CNOT6L: variants seen among roughly 807,000 people sequenced by gnomAD.
The protein encoded by CNOT6L is CCR4-NOT transcription complex subunit 6-like.
A neutral mutation model predicts 64.0 loss-of-function variants in CNOT6L; 7 were observed. That is an observed-to-expected ratio of 0.11 (90% CI 0.06 to 0.21). The LOEUF is 0.21. Among genes scored for constraint, CNOT6L ranks in the 10% least tolerant of loss-of-function variants. The pLI is 1.00. For synonymous variants in CNOT6L, 193 were observed against 243.4 expected (o/e 0.79, Z 1.93); for missense variants, 245 against 669.0 (o/e 0.37, Z 6.99).
Position 77,773,170 on chromosome 4 carries a change from T to C in CNOT6L, c.315-4A>G, listed in dbSNP as rs1560415708. Reference sequence around the variant, plus strand: ...ATTGTTATTTAAAAGCAATTCCCTGTTTTAAAAAAAAAAAAAAAATTAGTT... The same window carrying C: ...ATTGTTATTTAAAAGCAATTCCCTGCTTTAAAAAAAAAAAAAAAATTAGTT... On this transcript the variant is annotated splice_region_variant and splice_polypyrimidine_tract_variant and intron_variant, in intron 3 of 11. Transcript: ENST00000504123. The C allele has an allele frequency of 6.5e-7, 1 of 1,527,524 alleles. No homozygotes were observed. Among genetic ancestry groups the C allele is most frequent in the African/African-American group, 1.4e-5 (1 of 69,162 alleles). 94.6% of individuals were successfully genotyped at this position (1,527,524 alleles called of 1,614,324 possible).
rs1487526425 is a variant in CNOT6L at position 77,761,163 on chromosome 4, T to C, written c.401-4212A>G. The stretch of plus-strand genomic sequence containing the variant: ...CAGCAAAAATGGCAGAGTAAAAACC[T>C]CCAAAAATGTGCTGCTCTGTACAAG... On this transcript the variant is annotated intron_variant, in intron 4 of 11. Coordinates refer to ENST00000504123, the MANE Select transcript of CNOT6L (RefSeq NM_144571.3). Among the ~76,000 whole-genome samples the C allele has an allele frequency of 2.6e-5, 4 of 151,618 alleles. No homozygotes were observed. The East Asian group carries it at 7.7e-4, about 29-fold the overall frequency.
chr4:77,769,928 C>G lies in CNOT6L; in HGVS notation c.400+3153G>C, dbSNP rs575284375. On this transcript the variant is annotated intron_variant, in intron 4 of 11. Transcript: ENST00000504123. ...GGCCCATATGTCGGATAAAGTATTG[C>G]CTTACACCTTAGGACATGAATTCTA... Among the ~76,000 whole-genome samples the G allele has an allele frequency of 3.9e-5, 6 of 152,184 alleles. No individual in the cohort carries two copies. The East Asian group carries it at 9.6e-4, about 24-fold the overall frequency.
chr4:77,819,575 G>A, upstream of CNOT6L: 1 of 303,326 alleles, frequency 3.3e-6, no homozygotes, highest in Non-Finnish European at 5.7e-6. Flanking sequence ...CGGGGGGCCC[G>A]CGCCCCCTCC....
chr4:77,816,555 G>C (rs1733598402), intron 1 of CNOT6L, among the ~76,000 whole-genome samples: 1 of 152,026 alleles, frequency 6.6e-6, no homozygotes. Flanking sequence ...TCAATGATGA[G>C]AGCTTCCCCC....
chr4:77,741,589 T>C (rs943725097), intron 8 of CNOT6L, among the ~76,000 whole-genome samples: 3 of 152,228 alleles, frequency 2.0e-5, no homozygotes, highest in African/African-American at 4.8e-5. Context: ...CCATATGATA[T>C]TGCAATTGTC....
intron 3 of CNOT6L, among the ~76,000 whole-genome samples, 181 bp from the exon 4 acceptor site, chr4:77,773,347 A>T (rs1287378851): frequency 6.6e-6 from 1 of 152,224 alleles, no homozygotes; most frequent in Non-Finnish European, 1.5e-5. Flanking sequence ...TGCAATTGCC[A>T]CAACTATTAA....
chr4:77,809,089 A>G (rs1390556596), intron 1 of CNOT6L, among the ~76,000 whole-genome samples: 3 of 152,144 alleles, frequency 2.0e-5, no homozygotes, highest in Non-Finnish European at 2.9e-5. Context: ...ACTCTACGAG[A>G]TAAGGAATAT....
chr4:77,810,284 C>T lies in CNOT6L; in HGVS notation c.5+9020G>A, dbSNP rs72866657. 5.8e-4 allele frequency among the ~76,000 whole-genome samples: 88 copies of T among 152,056 alleles called. 1 individual carries two copies. Among genetic ancestry groups the T allele is most frequent in the African/African-American group, 2.0e-3 (84 of 41,514 alleles). ...CAAAAAGTAAACAAAGGGTAATCAC[C>T]ACATCAAAGTGAAACACAACTTTAC... On this transcript the variant is annotated intron_variant, in intron 1 of 11. Coordinates refer to ENST00000504123, the MANE Select transcript of CNOT6L (RefSeq NM_144571.3).
intron 8 of CNOT6L, among the ~76,000 whole-genome samples, chr4:77,737,819 C>T (rs1453481165): frequency 6.6e-6 from 1 of 152,050 alleles, no homozygotes; most frequent in South Asian, 2.1e-4. Context: ...TCGAAAGGTA[C>T]AGAAACTGTA....
intron 9 of CNOT6L, among the ~76,000 whole-genome samples, chr4:77,730,624 T>C (rs754954106): frequency 6.6e-6 from 1 of 152,060 alleles, no homozygotes; most frequent in African/African-American, 2.4e-5. Context: ...AAATTTCATA[T>C]CAAAGATTAC....
intron 4 of CNOT6L, among the ~76,000 whole-genome samples, chr4:77,765,377 A>AG (rs555297620): frequency 2.5e-3 from 381 of 152,120 alleles, no homozygotes; most frequent in Middle Eastern, 0.01. Context: ...CTTAAAAAAA[A>AG]AAATTTCTCA....
At chr4:77,809,466 G>A (rs1732649486) in intron 1 of CNOT6L, among the ~76,000 whole-genome samples, 1 of 152,120 alleles carries the variant, frequency 6.6e-6, no homozygotes, top group Non-Finnish European at 1.5e-5. Context: ...TTCTGACAGT[G>A]TTTCAAGGCT....
At chr4:77,773,810 G>C (rs902762126) in intron 3 of CNOT6L, among the ~76,000 whole-genome samples, 1 of 151,964 alleles carries the variant, frequency 6.6e-6, no homozygotes, top group African/African-American at 2.4e-5. Flanking sequence ...ATAAAGCATA[G>C]ATAGTACAGA....
intron 6 of CNOT6L, among the ~76,000 whole-genome samples, chr4:77,746,338 G>A (rs1202754468): frequency 2.0e-5 from 3 of 152,010 alleles, no homozygotes; most frequent in Non-Finnish European, 4.4e-5. Flanking sequence ...TTCTATCTGG[G>A]ACCTTTTTCA....
chr4:77,784,605 G>A (rs573073137), intron 1 of CNOT6L, among the ~76,000 whole-genome samples: 9 of 151,146 alleles, frequency 6.0e-5, no homozygotes, highest in South Asian at 4.2e-4. Flanking sequence ...CACCTCAGTC[G>A]TCTGAGTACC....
Position 77,818,447 on chromosome 4 carries a change from TA to T in CNOT6L, c.5+856del, listed in dbSNP as rs879666876. ...CCTTCCAAGAAAATGTTTGTCTAAT[TA>T]AAAAAAAAAAAATCTTACCAACGGC... is the stretch of plus-strand genomic sequence containing the variant. On this transcript the variant is annotated intron_variant, in intron 1 of 11. Coordinates refer to ENST00000504123, the MANE Select transcript of CNOT6L (RefSeq NM_144571.3). 1.2e-3 allele frequency among the ~76,000 whole-genome samples: 165 copies of T among 143,416 alleles called. 1 individual carries two copies. The highest frequency in any genetic ancestry group is 1.9e-3 in the Admixed American group (28 of 14,500). The allele number at this position is 143,416 out of a possible 152,430, so 94.1% of individuals were successfully genotyped here.
rs201499481 is a variant in CNOT6L at position 77,714,438 on chromosome 4, T to TAAAAAAAAA, written c.*5984_*5992dup. On this transcript the variant is annotated 3_prime_UTR_variant, in exon 12 of 12. Coordinates refer to ENST00000504123, the MANE Select transcript of CNOT6L (RefSeq NM_144571.3). ...AGAAAAAGTACATACACACTCTCTT[T>TAAAAAAAAA]AAAAAAAAAAAAAAAAAAAAAAAAA... 3.7e-5 allele frequency: 5 copies of TAAAAAAAAA among 134,690 alleles called. 1 individual carries two copies. In the East Asian group the frequency reaches 8.5e-4, roughly 23 times the overall value. 8.3% of individuals were successfully genotyped at this position (134,690 alleles called of 1,614,324 possible). A position where few individuals can be genotyped will look rare whatever the true frequency, so the allele number is the denominator to read the frequency against.
At position 77,728,841 on chromosome 4, in the gene CNOT6L, ATAT is replaced by A; in HGVS notation, c.1252+10_1252+12del. The A allele has an allele frequency of 6.2e-7, 1 of 1,602,596 alleles. No individual in the cohort carries two copies. ...TGAAATTGAAAGCAGTGAGGAAATG[ATAT>A]TATAAATACCTGAATCTGGCAATGA... On this transcript the variant is annotated intron_variant, in intron 10 of 11. Transcript: ENST00000504123.
intron 1 of CNOT6L, among the ~76,000 whole-genome samples, chr4:77,806,250 AC>A (rs1176624976): frequency 1.3e-5 from 2 of 152,070 alleles, no homozygotes; most frequent in African/African-American, 4.8e-5. Flanking sequence ...ACATGGAGAA[AC>A]CCCATCTCTA....
Sources: gnomAD v4.1 joint callset for allele counts (sites outside exome capture counted in the v4.1 genomes callset) on GRCh38, gnomAD v4.1.1 for gene constraint, MANE v1.5 for transcripts, NCBI Gene and HGNC (gene_info 2026-07-23, HGNC 2026-07-21) for gene names.